The following SPSB4 variants were observed in gnomAD, a reference collection of about 807,000 sequenced individuals.
SPSB4 encodes the protein SPRY domain-containing SOCS box protein 4.
A neutral mutation model predicts 20.9 loss-of-function variants in SPSB4; 21 were observed. That is an observed-to-expected ratio of 1.01 (90% CI 0.71 to 1.45). The LOEUF is 1.45. Ranked by LOEUF, SPSB4 falls within the 40% of genes most tolerant of loss-of-function variation. The pLI is 0.00. For missense variants in SPSB4, 399 were observed against 399.2 expected (o/e 1.00, Z 0.00); for synonymous variants, 207 against 183.8 (o/e 1.13, Z -1.02).
intron 2 of SPSB4, among the ~76,000 whole-genome samples, chr3:141,100,781 C>A (rs1001725095): frequency 6.6e-6 from 1 of 152,072 alleles, no homozygotes; most frequent in Non-Finnish European, 1.5e-5. Context: ...GGAGAGAGAG[C>A]CTGTGGAGTG....
At chr3:141,124,333 G>A (rs919694445) in intron 2 of SPSB4, among the ~76,000 whole-genome samples, 1 of 152,170 alleles carries the variant, frequency 6.6e-6, no homozygotes, top group Non-Finnish European at 1.5e-5. Context: ...GAAGTTTGAG[G>A]GCAGGGAGAC....
chr3:141,112,347 A>G (rs1468674118), intron 2 of SPSB4, among the ~76,000 whole-genome samples: 2 of 152,212 alleles, frequency 1.3e-5, no homozygotes, highest in African/African-American at 2.4e-5. Context: ...TGGGCCTTCT[A>G]TCAAAAGACA....
At chr3:141,141,053 G>A (rs545082382) in intron 2 of SPSB4, among the ~76,000 whole-genome samples, 21 of 152,334 alleles carry the variant, frequency 1.4e-4, no homozygotes, top group South Asian at 8.3e-4. Context: ...CCCCAGCCTC[G>A]CTGCCGCCTT....
At chr3:141,078,848 C>T (rs920845878) in intron 2 of SPSB4, among the ~76,000 whole-genome samples, 1 of 152,220 alleles carries the variant, frequency 6.6e-6, no homozygotes, top group Non-Finnish European at 1.5e-5. Context: ...TCCTCCCAGT[C>T]ACTGCCCTTT....
At chr3:141,061,694 C>G (rs970051609) in intron 1 of SPSB4, among the ~76,000 whole-genome samples, 6 of 150,534 alleles carry the variant, frequency 4.0e-5, no homozygotes, top group Non-Finnish European at 5.9e-5. Flanking sequence ...TACCTAATAT[C>G]CTTTTTCTTC....
At position 141,147,568 on chromosome 3, in the gene SPSB4, G is replaced by A. The variant is rs969141618; in HGVS notation, c.*299G>A. 8.7e-6 allele frequency: 3 copies of A among 346,544 alleles called. No homozygotes were observed. Among genetic ancestry groups the A allele is most frequent in the South Asian group, 5.9e-5 (1 of 17,032 alleles). 21.5% of individuals were successfully genotyped at this position (346,544 alleles called of 1,614,324 possible). A position where few individuals can be genotyped will look rare whatever the true frequency, so the allele number is the denominator to read the frequency against. On this transcript the variant is annotated 3_prime_UTR_variant, in exon 3 of 3. Transcript: ENST00000310546. ...CACCAACCAGGACACAGCAGCCACC[G>A]TATTGATCAGAGAGCCTGTTTCCTT...
At chr3:141,119,828 G>T (rs1414509202) in intron 2 of SPSB4, among the ~76,000 whole-genome samples, 5 of 152,086 alleles carry the variant, frequency 3.3e-5, no homozygotes, top group Non-Finnish European at 7.4e-5. Flanking sequence ...TTTGCTAGCA[G>T]TCTATGTATT....
At chr3:141,126,570 T>C (rs1391883242) in intron 2 of SPSB4, among the ~76,000 whole-genome samples, 1 of 152,198 alleles carries the variant, frequency 6.6e-6, no homozygotes, top group Non-Finnish European at 1.5e-5. Context: ...CATCTGCCCA[T>C]TGTATCAACC....
chr3:141,132,651 T>C (rs1939155280), intron 2 of SPSB4, among the ~76,000 whole-genome samples: 2 of 135,056 alleles, frequency 1.5e-5, no homozygotes, highest in African/African-American at 6.5e-5. Context: ...CCAAGGTGTG[T>C]GTATATATAT....
intron 2 of SPSB4, among the ~76,000 whole-genome samples, chr3:141,122,839 A>G (rs1029798126): frequency 6.6e-6 from 1 of 152,240 alleles, no homozygotes; most frequent in African/African-American, 2.4e-5. Context: ...TCCTCCAGGT[A>G]TAGACTGTCA....
chr3:141,087,513 G>A (rs370039764), intron 2 of SPSB4, among the ~76,000 whole-genome samples: 2 of 152,222 alleles, frequency 1.3e-5, no homozygotes. Flanking sequence ...GGAGCCCCCA[G>A]TTGTAGGGTC....
chr3:141,092,590 G>A (rs564434650), intron 2 of SPSB4, among the ~76,000 whole-genome samples: 1 of 152,338 alleles, frequency 6.6e-6, no homozygotes, highest in Admixed American at 6.5e-5. Flanking sequence ...GCCTGCTCAG[G>A]CAGCTACCAC....
intron 2 of SPSB4, among the ~76,000 whole-genome samples, chr3:141,134,170 C>G (rs1362921566): frequency 1.4e-5 from 2 of 144,136 alleles, no homozygotes; most frequent in African/African-American, 5.1e-5. Flanking sequence ...ATTTTGTATA[C>G]TGAAACTTAA....
At chr3:141,127,181 T>A (rs1011662370) in intron 2 of SPSB4, among the ~76,000 whole-genome samples, 4 of 152,300 alleles carry the variant, frequency 2.6e-5, no homozygotes, top group Non-Finnish European at 5.9e-5. Context: ...TCAGCAGGGC[T>A]GGGGGGTGCA....
intron 2 of SPSB4, among the ~76,000 whole-genome samples, chr3:141,141,699 T>C (rs1481503803): frequency 2.6e-5 from 4 of 152,230 alleles, no homozygotes; most frequent in Non-Finnish European, 5.9e-5. Context: ...GGTGGCAATT[T>C]TTTATTACCA....
At chr3:141,061,568 T>C (rs143491987) in intron 1 of SPSB4, among the ~76,000 whole-genome samples, 18 of 152,082 alleles carry the variant, frequency 1.2e-4, no homozygotes, top group East Asian at 9.6e-4. Context: ...GGCACATTTA[T>C]CACAACTAAT....
intron 2 of SPSB4, among the ~76,000 whole-genome samples, chr3:141,082,624 T>C (rs1042625827): frequency 3.0e-4 from 42 of 141,166 alleles, no homozygotes; most frequent in Non-Finnish European, 5.5e-4. Flanking sequence ...AGGTGCTATC[T>C]ATCTATCTAT....
chr3:141,098,509 T>G (rs1246408782), intron 2 of SPSB4, among the ~76,000 whole-genome samples: 1 of 152,214 alleles, frequency 6.6e-6, no homozygotes, highest in Non-Finnish European at 1.5e-5. Context: ...CGTTTATCCC[T>G]AAGTATTTAG....
Position 141,147,592 on chromosome 3 carries a change from T to G in SPSB4, c.*323T>G. On this transcript the variant is annotated 3_prime_UTR_variant, in exon 3 of 3. Transcript: ENST00000310546. Reference sequence around the variant, plus strand: ...CGTATTGATCAGAGAGCCTGTTTCCTTATTCAAGAGAATGAATAAAACATT... The same window carrying G: ...CGTATTGATCAGAGAGCCTGTTTCCGTATTCAAGAGAATGAATAAAACATT... The G allele has an allele frequency of 3.8e-6, 1 of 264,830 alleles. No homozygotes were observed. Among genetic ancestry groups the G allele is most frequent in the Non-Finnish European group, 7.3e-6 (1 of 137,464 alleles). 16.4% of individuals were successfully genotyped at this position (264,830 alleles called of 1,614,324 possible). A position where few individuals can be genotyped will look rare whatever the true frequency, so the allele number is the denominator to read the frequency against.
Sources: allele counts gnomAD v4.1 joint callset (sites outside exome capture counted in the v4.1 genomes callset), GRCh38; gene constraint gnomAD v4.1.1; transcripts MANE v1.5; gene names NCBI Gene and HGNC (gene_info 2026-07-23, HGNC 2026-07-21).